The following MTUS2 variants were observed in gnomAD, a reference collection of about 807,000 sequenced individuals.
MTUS2 encodes microtubule-associated tumor suppressor candidate 2.
A neutral mutation model predicts 114.1 loss-of-function variants in MTUS2; 40 were observed. The observed-to-expected ratio is 0.35, with a 90% CI of 0.27 to 0.46. The LOEUF (loss-of-function observed/expected upper bound fraction) is 0.46. MTUS2 is among the 20% of genes least tolerant of loss of function. The pLI is 1.00. For missense variants in MTUS2, 1,679 were observed against 1,705.4 expected (o/e 0.98, Z 0.27); for synonymous variants, 688 against 672.0 (o/e 1.02, Z -0.37).
intron 4 of MTUS2, among the ~76,000 whole-genome samples, chr13:29,065,915 C>A (rs1388600326): frequency 6.8e-6 from 1 of 147,208 alleles, no homozygotes; most frequent in African/African-American, 2.7e-5. Flanking sequence ...AATTCAAACC[C>A]CCCCCCACCT....
At chr13:29,016,579 C>T (rs558929103) in intron 2 of MTUS2, among the ~76,000 whole-genome samples, 1 of 152,106 alleles carries the variant, frequency 6.6e-6, no homozygotes, top group South Asian at 2.1e-4. Flanking sequence ...TGTATATATT[C>T]TTCTTTATTC....
At chr13:28,939,927 G>T (rs759132426) in intron 2 of MTUS2, among the ~76,000 whole-genome samples, 1 of 152,144 alleles carries the variant, frequency 6.6e-6, no homozygotes, top group Non-Finnish European at 1.5e-5. Flanking sequence ...CGTGGCGGCA[G>T]GCAAGAAAGA....
intron 5 of MTUS2, among the ~76,000 whole-genome samples, chr13:29,215,510 A>G (rs112902497): frequency 4.6e-5 from 5 of 108,348 alleles, no homozygotes; most frequent in Admixed American, 1.0e-4. Flanking sequence ...ATCTTTGTGG[A>G]TTTATCTACC....
At chr13:29,226,984 G>A (rs1472713504) in intron 5 of MTUS2, among the ~76,000 whole-genome samples, 1 of 152,008 alleles carries the variant, frequency 6.6e-6, no homozygotes, top group Non-Finnish European at 1.5e-5. Context: ...GGGGCTGGGG[G>A]CGGTGGGTCA....
intron 2 of MTUS2, among the ~76,000 whole-genome samples, chr13:29,009,619 A>G (rs1006620340): frequency 2.6e-5 from 4 of 152,338 alleles, no homozygotes; most frequent in African/African-American, 4.8e-5. Flanking sequence ...GGGGTTATCA[A>G]CTGTTCTGTA....
At chr13:29,283,941 C>T (rs1898374723) in intron 6 of MTUS2, among the ~76,000 whole-genome samples, 1 of 152,142 alleles carries the variant, frequency 6.6e-6, no homozygotes, top group Non-Finnish European at 1.5e-5. Flanking sequence ...TGCAAGCAAA[C>T]AGGCATTCTC....
intron 5 of MTUS2, among the ~76,000 whole-genome samples, chr13:29,127,068 G>A (rs9508287): frequency 0.16 from 24,812 of 152,150 alleles, 2,341 homozygotes; most frequent in Middle Eastern, 0.24. Context: ...ACCCACATGC[G>A]TCTTGCTCAC....
intron 2 of MTUS2, among the ~76,000 whole-genome samples, chr13:28,942,348 TG>T (rs1304615162): frequency 6.6e-6 from 1 of 152,212 alleles, no homozygotes; most frequent in East Asian, 1.9e-4. Flanking sequence ...TTGACAATAT[TG>T]GAGAATATTA....
intron 7 of MTUS2, among the ~76,000 whole-genome samples, chr13:29,338,914 G>T (rs555026056): frequency 1.3e-5 from 2 of 152,296 alleles, no homozygotes; most frequent in South Asian, 4.1e-4. Flanking sequence ...TGTGGGCTCT[G>T]CAGGCTAAGG....
chr13:29,500,792 A>AACACACACACAC (rs3066073), intron 14 of MTUS2, among the ~76,000 whole-genome samples: 12 of 144,274 alleles, frequency 8.3e-5, no homozygotes, highest in Admixed American at 2.8e-4. Flanking sequence ...TTACATCAGA[A>AACACACACACAC]ACACACACAC....
intron 2 of MTUS2, among the ~76,000 whole-genome samples, chr13:29,022,682 A>G (rs1329912970): frequency 1.3e-5 from 2 of 152,218 alleles, no homozygotes; most frequent in Admixed American, 1.3e-4. Context: ...CATTGGGGGA[A>G]TTGGTGACGG....
At chr13:29,454,150 A>G (rs918714588) in intron 9 of MTUS2, among the ~76,000 whole-genome samples, 3 of 152,238 alleles carry the variant, frequency 2.0e-5, no homozygotes, top group South Asian at 2.1e-4. Context: ...CTGCATTGCA[A>G]CTAATCATGT....
rs76974499 is a variant in MTUS2 at position 29,497,042 on chromosome 13, G to C, written c.3580-196G>C. On this transcript the variant is annotated intron_variant, in intron 12 of 15. Coordinates refer to ENST00000612955, the MANE Select transcript of MTUS2 (RefSeq NM_001033602.4). Reference sequence around the variant, plus strand: ...AAAGCACTAAGAAGGAGGGAGCCGAGGGCAGGCGTTGGGGGAAACCATCCT... The same window carrying C: ...AAAGCACTAAGAAGGAGGGAGCCGACGGCAGGCGTTGGGGGAAACCATCCT... Among the ~76,000 whole-genome samples, 272 of 152,242 alleles carry C rather than the reference G, an allele frequency of 1.8e-3. 1 individual carries two copies. In the East Asian group the frequency reaches 0.02, roughly 11 times the overall value.
intron 2 of MTUS2, among the ~76,000 whole-genome samples, chr13:29,010,210 CAAA>C (rs71658973): frequency 2.6e-5 from 3 of 116,430 alleles, no homozygotes; most frequent in Admixed American, 8.9e-5. Context: ...GACTCCGTCT[CAAA>C]AAAAAAAAAA....
intron 2 of MTUS2, among the ~76,000 whole-genome samples, chr13:28,942,542 G>A (rs1236826199): frequency 6.6e-6 from 1 of 152,170 alleles, no homozygotes; most frequent in Non-Finnish European, 1.5e-5. Flanking sequence ...ATTCCTAACA[G>A]CTCCAAACTG....
At chr13:28,829,114 T>G (rs1253451897) in intron 1 of MTUS2, among the ~76,000 whole-genome samples, 3 of 152,158 alleles carry the variant, frequency 2.0e-5, no homozygotes, top group African/African-American at 7.2e-5. Flanking sequence ...TTTATAACAA[T>G]CTGAGGAATA....
chr13:29,235,120 T>G (rs1324552030), intron 5 of MTUS2, among the ~76,000 whole-genome samples: 3 of 152,128 alleles, frequency 2.0e-5, no homozygotes, highest in Non-Finnish European at 4.4e-5. Flanking sequence ...TTTTGAGACC[T>G]GGTTTTGCTC....
chr13:28,967,713 C>T (rs890334750), intron 2 of MTUS2, among the ~76,000 whole-genome samples: 1 of 152,168 alleles, frequency 6.6e-6, no homozygotes, highest in East Asian at 1.9e-4. Context: ...AAGTCAGCCA[C>T]CTCACACACA....
chr13:29,501,016 C>T, intron 14 of MTUS2, 81 bp from the exon 15 acceptor site: 1 of 1,055,076 alleles, frequency 9.5e-7, no homozygotes. Context: ...GATAATCCTC[C>T]AATGCCCAGA....
Sources: gnomAD v4.1 joint callset for allele counts (sites outside exome capture counted in the v4.1 genomes callset) on GRCh38, gnomAD v4.1.1 for gene constraint, MANE v1.5 for transcripts, NCBI Gene and HGNC (gene_info 2026-07-23, HGNC 2026-07-21) for gene names.